The following MOB2 variants were observed in gnomAD, a reference collection of about 807,000 sequenced individuals.
The protein encoded by MOB2 is MOB2 Mps One Binder homolog.
MOB2 carries 14 observed loss-of-function variants against 27.4 expected under a neutral mutation model. The observed-to-expected ratio is 0.51, with a 90% CI of 0.34 to 0.80. MOB2 has a LOEUF of 0.80. MOB2 is among the 30% of genes least tolerant of loss of function. MOB2 has a pLI of 0.01. For missense variants in MOB2, 304 were observed against 354.6 expected (o/e 0.86, Z 1.15); for synonymous variants, 167 against 151.8 (o/e 1.10, Z -0.74).
chr11:1,480,367 G>C, intron 3 of MOB2, 26 bp downstream of exon 3: 2 of 1,607,742 alleles, frequency 1.2e-6, no homozygotes, highest in Non-Finnish European at 1.7e-6. Flanking sequence ...CCAAGAGAAA[G>C]TGGGCTGTAG....
chr11:1,486,544 G>T lies in MOB2; in HGVS notation c.13C>A (p.His5Asn). The change falls in exon 1 of 5, where the codon CAC (histidine) becomes AAC (asparagine). Residue 5 changes from histidine to asparagine, a missense_variant. His to Asn is a moderately conservative substitution (Grantham distance 68). Coordinates refer to ENST00000329957, the MANE Select transcript of MOB2 (RefSeq NM_001172223.3). MLGDHCSLPEDQARP... is the reference protein window; with the variant it reads MLGDNCSLPEDQARP... The stretch of plus-strand genomic sequence containing the variant: ...GCTTGGTCTTCAGGGAGACTGCAGT[G>T]GTCTCCCAGCATGAGTGGGCGACGG... 6.5e-7 allele frequency: 1 copy of T among 1,535,176 alleles called. No individual in the cohort carries two copies.
At position 1,486,589 on chromosome 11, in the gene MOB2, G is replaced by T; in HGVS notation, c.-33C>A. The T allele has an allele frequency of 6.9e-7, 1 of 1,457,988 alleles. No individual in the cohort carries two copies. Among genetic ancestry groups the T allele is most frequent in the Non-Finnish European group, 9.3e-7 (1 of 1,077,006 alleles). 90.3% of individuals were successfully genotyped at this position (1,457,988 alleles called of 1,614,324 possible). On this transcript the variant is annotated 5_prime_UTR_variant, in exon 1 of 5. Coordinates refer to ENST00000329957, the MANE Select transcript of MOB2 (RefSeq NM_001172223.3). ...CGACGGGAAGGTGGGGAGGAGAAGC[G>T]GGGCGGGGTGCCGGCTGGCCAGCAC...
intron 3 of MOB2, among the ~76,000 whole-genome samples, chr11:1,479,399 C>T (rs55707329): frequency 6.6e-6 from 1 of 152,254 alleles, no homozygotes; most frequent in Non-Finnish European, 1.5e-5. Context: ...CCCCATCTTC[C>T]TGGGCCATGC....
In MOB2 at chr11:1,469,984, GACAGGGGGCCACA is replaced by G; in HGVS notation, c.*175_*187del. 6.9e-7 allele frequency: 1 copy of G among 1,457,324 alleles called. No individual in the cohort carries two copies. The highest frequency in any genetic ancestry group is 9.3e-7 in the Non-Finnish European group (1 of 1,075,854). 90.3% of individuals were successfully genotyped at this position (1,457,324 alleles called of 1,614,324 possible). A position where few individuals can be genotyped will look rare whatever the true frequency, so the allele number is the denominator to read the frequency against. ...CTCTACAAACGGCACGCATCCATCC[GACAGGGGGCCACA>G]GGACACGGCCGGGGCCGTCTGCGTC... On this transcript the variant is annotated 3_prime_UTR_variant, in exon 5 of 5. Transcript: ENST00000329957.
At chr11:1,482,180 G>A (rs1451596091) in intron 1 of MOB2, among the ~76,000 whole-genome samples, 2 of 152,212 alleles carry the variant, frequency 1.3e-5, no homozygotes, top group Non-Finnish European at 2.9e-5. Context: ...GGTTGCAGTG[G>A]CCCAGGCTGC....
At chr11:1,485,735 A>G (rs999775674) in intron 1 of MOB2, among the ~76,000 whole-genome samples, 3 of 151,316 alleles carry the variant, frequency 2.0e-5, no homozygotes, top group African/African-American at 7.3e-5. Flanking sequence ...ACGGGTGCAC[A>G]CTCCCACACA....
At chr11:1,480,250 A>C in intron 3 of MOB2, 143 bp downstream of exon 3, 1 of 710,324 alleles carries the variant, frequency 1.4e-6, no homozygotes, top group Non-Finnish European at 2.3e-6. Context: ...AGGAAGGTGG[A>C]TGTTGTGGAA....
intron 3 of MOB2, among the ~76,000 whole-genome samples, chr11:1,475,544 C>T (rs1041416028): frequency 6.6e-6 from 1 of 152,234 alleles, no homozygotes; most frequent in Admixed American, 6.5e-5. Flanking sequence ...GATCCACCGC[C>T]TCAGCCTCCT....
At chr11:1,475,259 G>A (rs565602424) in intron 3 of MOB2, among the ~76,000 whole-genome samples, 85 of 152,186 alleles carry the variant, frequency 5.6e-4, no homozygotes, top group African/African-American at 1.8e-3. Flanking sequence ...ACTGATTTGT[G>A]CGTGTTGACC....
intron 3 of MOB2, among the ~76,000 whole-genome samples, chr11:1,479,436 G>A (rs1847885946): frequency 6.6e-6 from 1 of 152,214 alleles, no homozygotes; most frequent in African/African-American, 2.4e-5. Context: ...ATTTTCCTGG[G>A]GAATTAAGAC....
Position 1,486,457 on chromosome 11 carries a change from T to G in MOB2, c.100A>C (p.Lys34Gln), listed in dbSNP as rs914336780. Residue 34 changes from lysine to glutamine, a missense_variant, in exon 1 of 5, where the codon AAA becomes CAA. Transcript: ENST00000329957. Reference protein sequence around the residue: ...CCKMVLQAVSKVLRKSKAKPN... With the variant: ...CCKMVLQAVSQVLRKSKAKPN... ...GCTGGCAGGTGTTACCTGAGCACTTTGCTGACAGCCTGAAGCACCATTTTG... is the reference window on the plus strand; with the variant it reads ...GCTGGCAGGTGTTACCTGAGCACTTGGCTGACAGCCTGAAGCACCATTTTG... 2 of 1,535,632 alleles carry G rather than the reference T, an allele frequency of 1.3e-6. No individual in the cohort carries two copies. Among genetic ancestry groups the G allele is most frequent in the Admixed American group, 3.9e-5 (2 of 50,986 alleles).
chr11:1,477,532 G>C (rs1421804817), intron 3 of MOB2, among the ~76,000 whole-genome samples: 1 of 152,152 alleles, frequency 6.6e-6, no homozygotes. Flanking sequence ...AGGTTGCAAG[G>C]GTAGAACGCT....
intron 3 of MOB2, among the ~76,000 whole-genome samples, chr11:1,473,614 G>A (rs899419541): frequency 2.0e-5 from 3 of 152,196 alleles, no homozygotes; most frequent in Admixed American, 1.3e-4. Context: ...GGTTAGAGAC[G>A]GAAACCCTTT....
chr11:1,473,864 G>T (rs746295506), intron 3 of MOB2, among the ~76,000 whole-genome samples: 31 of 152,248 alleles, frequency 2.0e-4, no homozygotes, highest in Non-Finnish European at 3.7e-4. Context: ...GCACCCCGGG[G>T]ATGGCTCCTC....
chr11:1,481,420 C>A (rs1847912431), intron 1 of MOB2: 2 of 183,338 alleles, frequency 1.1e-5, no homozygotes, highest in South Asian at 1.9e-4. Context: ...GCCTGGCCTG[C>A]AGCTCCAGTA....
Position 1,471,286 on chromosome 11 carries a change from G to C in MOB2, c.490+9C>G, listed in dbSNP as rs749278780. On this transcript the variant is annotated intron_variant, in intron 4 of 4. Transcript: ENST00000329957. ...TGAGGATGACCGCCCAGTGCTGGGG[G>C]AGACGAACCGTATTTTGTGGGGAAC... The C allele has an allele frequency of 1.2e-6, 2 of 1,609,810 alleles. No homozygotes were observed. The highest frequency in any genetic ancestry group is 2.2e-5 in the South Asian group (2 of 90,416).
chr11:1,470,109 TGCA>T lies in MOB2; in HGVS notation c.*60_*62del. On this transcript the variant is annotated 3_prime_UTR_variant, in exon 5 of 5. Coordinates refer to ENST00000329957, the MANE Select transcript of MOB2 (RefSeq NM_001172223.3). The stretch of plus-strand genomic sequence containing the variant: ...CCCAGCACATGTGTGCACACGCAGA[TGCA>T]GGAGAGAACACACACCACCGTCTCT... The T allele has an allele frequency of 1.9e-6, 3 of 1,549,192 alleles. No homozygotes were observed. In the South Asian group the frequency reaches 3.6e-5, roughly 18 times the overall value.
intron 1 of MOB2, among the ~76,000 whole-genome samples, chr11:1,484,755 T>C (rs1281399876): frequency 1.3e-5 from 2 of 152,066 alleles, no homozygotes; most frequent in African/African-American, 2.4e-5. Context: ...TGGGTGCTGA[T>C]CCCACTTCTG....
intron 3 of MOB2, among the ~76,000 whole-genome samples, chr11:1,476,814 G>GT (rs1364571175): frequency 2.0e-5 from 3 of 152,098 alleles, no homozygotes; most frequent in Non-Finnish European, 2.9e-5. Context: ...GTTTGTTAAA[G>GT]TTTTTTTGTT....
Sources: gnomAD v4.1 joint callset for allele counts (sites outside exome capture counted in the v4.1 genomes callset) on GRCh38, gnomAD v4.1.1 for gene constraint, MANE v1.5 for transcripts, NCBI Gene and HGNC (gene_info 2026-07-23, HGNC 2026-07-21) for gene names.